Variants in L3MBTL4 observed in about 807,000 individuals in gnomAD.
L3MBTL4 encodes the protein lethal(3)malignant brain tumor-like protein 4.
L3MBTL4 carries 70 observed loss-of-function variants against 84.5 expected under a neutral mutation model. The ratio of observed to expected loss-of-function variants is 0.83; its 90% confidence interval spans 0.68 to 1.01. The LOEUF is 1.01. Ranked by LOEUF, L3MBTL4 falls within the 50% of genes least tolerant of loss-of-function variation. The probability of loss-of-function intolerance (pLI) is 0.00; values close to 1 mark genes in which losing one functional copy is unlikely to be tolerated. For missense variants in L3MBTL4, 715 were observed against 754.8 expected (o/e 0.95, Z 0.62); for synonymous variants, 274 against 259.8 (o/e 1.05, Z -0.52).
intron 1 of L3MBTL4, among the ~76,000 whole-genome samples, chr18:6,360,217 C>T (rs2053623489): frequency 6.6e-6 from 1 of 151,814 alleles, no homozygotes; most frequent in African/African-American, 2.4e-5. Flanking sequence ...CAAAAAAATA[C>T]AAAATTTAGC....
intron 12 of L3MBTL4, among the ~76,000 whole-genome samples, chr18:6,208,266 T>G (rs1043228255): frequency 6.6e-6 from 1 of 152,242 alleles, no homozygotes; most frequent in Non-Finnish European, 1.5e-5. Context: ...TTTGCATTAA[T>G]ACTCCTGCAG....
At chr18:6,389,728 C>T (rs341211) in intron 1 of L3MBTL4, among the ~76,000 whole-genome samples, 1 of 151,870 alleles carries the variant, frequency 6.6e-6, no homozygotes. Flanking sequence ...TAATGATAAA[C>T]GGACTAGTCC....
chr18:6,031,117 C>G (rs890655018), intron 16 of L3MBTL4: 1 of 985,292 alleles, frequency 1.0e-6, no homozygotes. Context: ...TGGAGAAAAG[C>G]CACACGTGAT....
At chr18:5,988,769 T>C (rs1318563399) in intron 16 of L3MBTL4, among the ~76,000 whole-genome samples, 1 of 152,178 alleles carries the variant, frequency 6.6e-6, no homozygotes, top group African/African-American at 2.4e-5. Flanking sequence ...TGAGGAGATG[T>C]GGGCATCTGG....
At chr18:6,162,535 A>C (rs1176449886) in intron 13 of L3MBTL4, among the ~76,000 whole-genome samples, 1 of 152,226 alleles carries the variant, frequency 6.6e-6, no homozygotes, top group Non-Finnish European at 1.5e-5. Context: ...CTCTATTTTG[A>C]TCTGATTTTA....
At chr18:6,240,154 C>G (rs1253910672) in intron 8 of L3MBTL4, among the ~76,000 whole-genome samples, 1 of 151,918 alleles carries the variant, frequency 6.6e-6, no homozygotes, top group Non-Finnish European at 1.5e-5. Context: ...CCTCTTTTTT[C>G]TTAGAATAAT....
At chr18:6,214,219 A>C (rs1218345909) in intron 11 of L3MBTL4, among the ~76,000 whole-genome samples, 1 of 152,232 alleles carries the variant, frequency 6.6e-6, no homozygotes, top group Non-Finnish European at 1.5e-5. Flanking sequence ...CCACAGGCTC[A>C]TGCCTGTAAT....
At chr18:6,096,135 C>T (rs2058637172) in intron 14 of L3MBTL4, among the ~76,000 whole-genome samples, 1 of 151,918 alleles carries the variant, frequency 6.6e-6, no homozygotes, top group Admixed American at 6.6e-5. Flanking sequence ...ACTAATGCTG[C>T]CTCTTCCTAA....
At chr18:5,973,811 C>A (rs2052768771) in intron 16 of L3MBTL4, among the ~76,000 whole-genome samples, 1 of 152,202 alleles carries the variant, frequency 6.6e-6, no homozygotes, top group Non-Finnish European at 1.5e-5. Flanking sequence ...TTCCACCTAA[C>A]ACAGCTGAGG....
intron 16 of L3MBTL4, among the ~76,000 whole-genome samples, chr18:6,046,027 A>G (rs1033032397): frequency 6.6e-6 from 1 of 152,184 alleles, no homozygotes; most frequent in Non-Finnish European, 1.5e-5. Flanking sequence ...GAATCAAAGT[A>G]AAGAGGTGGA....
At chr18:6,389,317 C>T (rs1469706647) in intron 1 of L3MBTL4, among the ~76,000 whole-genome samples, 12 of 152,166 alleles carry the variant, frequency 7.9e-5, no homozygotes, top group South Asian at 2.1e-4. Context: ...GAAACAAAAG[C>T]TCAATCTACA....
chr18:6,363,281 T>C (rs16949968), intron 1 of L3MBTL4, among the ~76,000 whole-genome samples: 5,699 of 152,140 alleles, frequency 0.037, 167 homozygotes, highest in East Asian at 0.15. Context: ...GTATGAACCG[T>C]CCAGGGGCAG....
intron 14 of L3MBTL4, among the ~76,000 whole-genome samples, chr18:6,125,674 C>T (rs564033155): frequency 1.2e-3 from 186 of 152,212 alleles, no homozygotes; most frequent in Non-Finnish European, 1.6e-3. Context: ...AAGCAATCCT[C>T]CTGCCTTGGC....
Position 6,326,611 on chromosome 18 carries a change from G to GGTTCTATGA in L3MBTL4, c.-90-14564_-90-14556dup, listed in dbSNP as rs2051733361. On this transcript the variant is annotated intron_variant, in intron 1 of 18. Coordinates refer to ENST00000317931, the MANE Select transcript of L3MBTL4 (RefSeq NM_001330559.2). ...TCATAATTCCCATAAAGGAAAGCAG[G>GGTTCTATGA]GTTCTATGAGTAAGAGAGATGGATG... is the stretch of plus-strand genomic sequence containing the variant. 2.0e-5 allele frequency: 3 copies of GGTTCTATGA among 152,166 alleles called. No homozygotes were observed. In the East Asian group the frequency reaches 5.8e-4, roughly 29 times the overall value. The allele number at this position is 152,166 out of a possible 1,614,324, so 9.4% of individuals were successfully genotyped here.
chr18:6,311,638 A>G lies in L3MBTL4; in HGVS notation c.-13T>C, dbSNP rs1441659069. On this transcript the variant is annotated 5_prime_UTR_variant, in exon 3 of 19. Transcript: ENST00000317931. ...TGGGCTGTTTCATTGCCACCCCCGC[A>G]CTCCTTGGCAGTGGTTTTCTGTAAA... 5.0e-6 allele frequency: 8 copies of G among 1,610,936 alleles called. No homozygotes were observed. Among genetic ancestry groups the G allele is most frequent in the Non-Finnish European group, 6.8e-6 (8 of 1,177,564 alleles).
chr18:6,182,796 G>T (rs898264574), intron 12 of L3MBTL4, among the ~76,000 whole-genome samples: 1 of 148,874 alleles, frequency 6.7e-6, no homozygotes, highest in East Asian at 2.0e-4. Context: ...TTGAATAGGG[G>T]AGTCCTTTAG....
At chr18:6,392,895 G>C (rs1352676403) in intron 1 of L3MBTL4, among the ~76,000 whole-genome samples, 1 of 152,028 alleles carries the variant, frequency 6.6e-6, no homozygotes, top group African/African-American at 2.4e-5. Context: ...CATATAGAGT[G>C]GTATCAAGAA....
chr18:6,274,374 C>T (rs560974003), intron 4 of L3MBTL4, among the ~76,000 whole-genome samples: 2 of 152,298 alleles, frequency 1.3e-5, no homozygotes, highest in African/African-American at 2.4e-5. Flanking sequence ...TTTCCAGTTG[C>T]AGGTGGCCCT....
chr18:6,225,536 G>T (rs1239286207), intron 10 of L3MBTL4, among the ~76,000 whole-genome samples: 4 of 152,164 alleles, frequency 2.6e-5, no homozygotes, highest in African/African-American at 7.2e-5. Context: ...AAGGCAGGTG[G>T]ATAGGTTGAG....
Sources: gnomAD v4.1 joint callset for allele counts (sites outside exome capture counted in the v4.1 genomes callset) on GRCh38, gnomAD v4.1.1 for gene constraint, MANE v1.5 for transcripts, NCBI Gene and HGNC (gene_info 2026-07-23, HGNC 2026-07-21) for gene names.